The following MTUS2 variants were observed in gnomAD, a reference collection of about 807,000 sequenced individuals.
The protein encoded by MTUS2 is microtubule-associated tumor suppressor candidate 2.
MTUS2 carries 40 observed loss-of-function variants against 114.1 expected under a neutral mutation model. The observed-to-expected ratio is 0.35, with a 90% CI of 0.27 to 0.46. The LOEUF is 0.46. Ranked by LOEUF, MTUS2 falls within the 20% of genes least tolerant of loss-of-function variation. The pLI is 1.00. For synonymous variants in MTUS2, 688 were observed against 672.0 expected (o/e 1.02, Z -0.37); for missense variants, 1,679 against 1,705.4 (o/e 0.98, Z 0.27).
At chr13:29,490,985 A>ATGTGTGTGTGTG (rs71090259) in intron 11 of MTUS2, among the ~76,000 whole-genome samples, 62,769 of 147,856 alleles carry the variant, frequency 0.42, 14,904 homozygotes, top group Non-Finnish European at 0.55. Context: ...AGAAGTGTGG[A>ATGTGTGTGTGTG]TGTGTGTGTG....
chr13:29,038,543 C>T (rs1274907504), intron 4 of MTUS2, among the ~76,000 whole-genome samples: 2 of 152,228 alleles, frequency 1.3e-5, no homozygotes, highest in Admixed American at 6.5e-5. Flanking sequence ...AGGAGGCAGT[C>T]TGACCCTTAG....
At chr13:28,968,619 A>G (rs979323955) in intron 2 of MTUS2, among the ~76,000 whole-genome samples, 4 of 152,162 alleles carry the variant, frequency 2.6e-5, no homozygotes, top group Admixed American at 2.0e-4. Context: ...TTGCTCAGTA[A>G]TTCAATCTTC....
chr13:29,156,145 A>G (rs1892850634), intron 5 of MTUS2, among the ~76,000 whole-genome samples: 2 of 152,082 alleles, frequency 1.3e-5, no homozygotes, highest in South Asian at 4.1e-4. Flanking sequence ...GGGTGCTCCC[A>G]TTTTCTAGTG....
rs148989960 is a variant in MTUS2, at chr13:29,299,253, C to G, written c.2806+17388C>G. Among the ~76,000 whole-genome samples, 473 of 152,156 alleles carry G rather than the reference C, an allele frequency of 3.1e-3. 1 individual carries two copies. Among genetic ancestry groups the G allele is most frequent in the African/African-American group, 0.011 (454 of 41,496 alleles). On this transcript the variant is annotated intron_variant, in intron 6 of 15. Coordinates refer to ENST00000612955, the MANE Select transcript of MTUS2 (RefSeq NM_001033602.4). ...ATGGTCTGTCTGCTGTTCTTTCTGG[C>G]CAGAAGAAGGAAAGCCAGGAAGCAC...
chr13:28,942,002 G>A (rs1056602209), intron 2 of MTUS2, among the ~76,000 whole-genome samples: 5 of 151,976 alleles, frequency 3.3e-5, no homozygotes, highest in Admixed American at 6.6e-5. Context: ...AGAAAATATT[G>A]GACTACATTA....
intron 8 of MTUS2, among the ~76,000 whole-genome samples, chr13:29,366,448 G>A (rs557580623): frequency 6.6e-6 from 1 of 152,192 alleles, no homozygotes; most frequent in East Asian, 1.9e-4. Flanking sequence ...AGATTTGGGT[G>A]GGGACACAGC....
At position 28,878,632 on chromosome 13, in the gene MTUS2, C is replaced by A. The variant is rs190119239; in HGVS notation, c.-243+38782C>A. On this transcript the variant is annotated intron_variant, in intron 2 of 15. Coordinates refer to ENST00000612955, the MANE Select transcript of MTUS2 (RefSeq NM_001033602.4). ...AGTTTGCTGATAACAGCTTCCAGCT[C>A]CATCCATGTCCCTGCAAAAGACATG... 8.9e-4 allele frequency among the ~76,000 whole-genome samples: 135 copies of A among 152,266 alleles called. 1 individual carries two copies. Among genetic ancestry groups the A allele is most frequent in the African/African-American group, 3.1e-3 (127 of 41,542 alleles).
chr13:29,409,208 CGGGAGGCTGAGGCAGGAGAATCACT>C (rs1875030121), intron 8 of MTUS2, among the ~76,000 whole-genome samples: 1 of 151,996 alleles, frequency 6.6e-6, no homozygotes, highest in Non-Finnish European at 1.5e-5. Flanking sequence ...CTCAGCTACT[CGGGAGGCTGAGGCAGGAGAATCACT>C]TGAACCCAAG....
intron 5 of MTUS2, among the ~76,000 whole-genome samples, chr13:29,188,462 CA>C (rs1294186781): frequency 6.6e-6 from 1 of 152,162 alleles, no homozygotes; most frequent in Non-Finnish European, 1.5e-5. Flanking sequence ...TCCATTAGCT[CA>C]AAAGCCTGCA....
chr13:29,301,750 T>C (rs1429323961), intron 6 of MTUS2, among the ~76,000 whole-genome samples: 1 of 152,244 alleles, frequency 6.6e-6, no homozygotes, highest in Non-Finnish European at 1.5e-5. Context: ...ATAGGTTTTA[T>C]CTTAGTCTGT....
chr13:29,415,270 A>T (rs1875583518), intron 8 of MTUS2, among the ~76,000 whole-genome samples: 1 of 152,162 alleles, frequency 6.6e-6, no homozygotes, highest in African/African-American at 2.4e-5. Context: ...TCAAAGTATA[A>T]AGTTCAATAT....
intron 4 of MTUS2, among the ~76,000 whole-genome samples, chr13:29,058,623 AGGG>A (rs1697597382): frequency 3.5e-5 from 5 of 140,932 alleles, no homozygotes; most frequent in Non-Finnish European, 7.6e-5. Flanking sequence ...TTTAAGTTTT[AGGG>A]TACATGTGCA....
chr13:28,857,068 T>C (rs992186623), intron 2 of MTUS2, among the ~76,000 whole-genome samples: 1 of 152,206 alleles, frequency 6.6e-6, no homozygotes, highest in African/African-American at 2.4e-5. Context: ...TGATTGCCCA[T>C]TTGCCTGGTT....
At chr13:29,212,778 C>T (rs548117122) in intron 5 of MTUS2, among the ~76,000 whole-genome samples, 2 of 152,370 alleles carry the variant, frequency 1.3e-5, no homozygotes, top group East Asian at 3.9e-4. Context: ...GAGGTTGCTC[C>T]ACCCTATTGA....
chr13:28,984,719 A>ATTTGCGCTTCAGGT (rs1215413969), intron 2 of MTUS2, among the ~76,000 whole-genome samples: 5 of 152,210 alleles, frequency 3.3e-5, no homozygotes, highest in African/African-American at 1.2e-4. Context: ...ATGTGCATGA[A>ATTTGCGCTTCAGGT]TTTGCGCTTC....
intron 8 of MTUS2, among the ~76,000 whole-genome samples, chr13:29,400,261 G>A (rs1874221691): frequency 6.6e-6 from 1 of 152,222 alleles, no homozygotes; most frequent in Non-Finnish European, 1.5e-5. Context: ...GCATCTGGAA[G>A]TGGATATATA....
At chr13:29,243,349 G>A (rs1896798523) in intron 5 of MTUS2, among the ~76,000 whole-genome samples, 1 of 152,162 alleles carries the variant, frequency 6.6e-6, no homozygotes, top group African/African-American at 2.4e-5. Context: ...CTGGGCCGCA[G>A]GAGCCAATAG....
At chr13:29,476,872 A>C (rs1224983880) in intron 9 of MTUS2, 1 of 152,222 alleles carries the variant, frequency 6.6e-6, no homozygotes, top group Non-Finnish European at 1.5e-5. Context: ...TTCCATCTGC[A>C]AGGGCACTGA....
At chr13:29,308,609 A>G (rs1899596685) in intron 6 of MTUS2, among the ~76,000 whole-genome samples, 1 of 152,238 alleles carries the variant, frequency 6.6e-6, no homozygotes, top group South Asian at 2.1e-4. Context: ...ATCAGAGTGA[A>G]CAGGCAACCT....
Sources: gnomAD v4.1 joint callset for allele counts (sites outside exome capture counted in the v4.1 genomes callset) on GRCh38, gnomAD v4.1.1 for gene constraint, MANE v1.5 for transcripts, NCBI Gene and HGNC (gene_info 2026-07-23, HGNC 2026-07-21) for gene names.